The following THSD7B variants were observed in gnomAD, a reference collection of about 807,000 sequenced individuals.
The protein encoded by THSD7B is thrombospondin type-1 domain-containing protein 7B.
A neutral mutation model predicts 213.6 loss-of-function variants in THSD7B; 138 were observed. That is an observed-to-expected ratio of 0.65 (90% confidence interval 0.56 to 0.74). The LOEUF is 0.74. Among genes scored for constraint, THSD7B ranks in the 30% least tolerant of loss-of-function variants. THSD7B has a pLI of 0.00. For synonymous variants in THSD7B, 742 were observed against 687.0 expected, an observed-to-expected ratio of 1.08 and a Z score of -1.25; for missense variants, 1,931 against 1,991.5, an observed-to-expected ratio of 0.97 and a Z score of 0.58.
rs374110828 is a variant in THSD7B at position 137,455,116 on chromosome 2, T to C, written c.3138+4093T>C. ...TTCTCTTTAGAATATGAGGTCTTTT[T>C]GAGGGCAAGGGCTGTCTTTCTACTT... On this transcript the variant is annotated intron_variant, in intron 15 of 27. Transcript: ENST00000409968. Among the ~76,000 whole-genome samples, 7 of 152,296 alleles carry C rather than the reference T, an allele frequency of 4.6e-5. No individual in the cohort carries two copies. In the East Asian group the frequency reaches 1.2e-3, roughly 25 times the overall value.
chr2:137,143,424 A>T (rs1679632000), intron 5 of THSD7B, among the ~76,000 whole-genome samples: 1 of 152,182 alleles, frequency 6.6e-6, no homozygotes, highest in African/African-American at 2.4e-5. Context: ...AGCAGGCAGC[A>T]GGGTGGAAAG....
At chr2:137,053,026 C>A (rs956889498) in intron 2 of THSD7B, among the ~76,000 whole-genome samples, 12 of 152,094 alleles carry the variant, frequency 7.9e-5, no homozygotes, top group Admixed American at 5.2e-4. Flanking sequence ...TTTGACTCTG[C>A]CTTTCTAAAT....
At chr2:136,970,160 T>C (rs1685381408) in intron 2 of THSD7B, among the ~76,000 whole-genome samples, 1 of 152,002 alleles carries the variant, frequency 6.6e-6, no homozygotes, top group Non-Finnish European at 1.5e-5. Flanking sequence ...GAATACAATT[T>C]TGGAAGGTAA....
chr2:137,289,151 G>A (rs1225675947), intron 12 of THSD7B, among the ~76,000 whole-genome samples: 3 of 152,038 alleles, frequency 2.0e-5, no homozygotes, highest in South Asian at 2.1e-4. Context: ...CAGGGAAAAT[G>A]GAAGTATTAC....
intron 2 of THSD7B, among the ~76,000 whole-genome samples, chr2:137,021,401 C>T (rs1484189635): frequency 6.6e-6 from 1 of 152,016 alleles, no homozygotes; most frequent in Admixed American, 6.6e-5. Flanking sequence ...TTCATGTAAC[C>T]ATTACCTGAA....
At chr2:137,246,094 G>GT (rs1558971983) in intron 10 of THSD7B, among the ~76,000 whole-genome samples, 1 of 152,164 alleles carries the variant, frequency 6.6e-6, no homozygotes, top group Non-Finnish European at 1.5e-5. Flanking sequence ...TAGCAGGTGG[G>GT]GACAGGGTGG....
At chr2:137,575,472 A>G (rs989482266) in intron 17 of THSD7B, among the ~76,000 whole-genome samples, 29 of 152,196 alleles carry the variant, frequency 1.9e-4, no homozygotes, top group Admixed American at 1.3e-3. Context: ...CTTAAAAACA[A>G]TGCATCACAA....
intron 10 of THSD7B, among the ~76,000 whole-genome samples, chr2:137,250,649 G>C (rs139369725): frequency 1.3e-5 from 2 of 152,260 alleles, no homozygotes; most frequent in East Asian, 3.9e-4. Context: ...GTGTGTATAT[G>C]GATAAAGTAG....
At chr2:136,788,718 T>C (rs1464385346) in intron 1 of THSD7B, among the ~76,000 whole-genome samples, 2 of 152,180 alleles carry the variant, frequency 1.3e-5, no homozygotes, top group African/African-American at 4.8e-5. Context: ...TTATGGCCCA[T>C]TTTAAGCATC....
intron 1 of THSD7B, among the ~76,000 whole-genome samples, chr2:136,795,610 T>A (rs1650583593): frequency 1.3e-5 from 2 of 151,788 alleles, no homozygotes; most frequent in African/African-American, 4.8e-5. Context: ...TTCTGACAAT[T>A]TTTGTCTTTT....
At chr2:137,243,744 G>A (rs1226425876) in intron 10 of THSD7B, among the ~76,000 whole-genome samples, 2 of 152,196 alleles carry the variant, frequency 1.3e-5, no homozygotes, top group Non-Finnish European at 2.9e-5. Context: ...CAGAGCTGTG[G>A]CACCTGTTGA....
chr2:137,099,025 C>A (rs183696243), intron 4 of THSD7B, among the ~76,000 whole-genome samples: 108 of 152,272 alleles, frequency 7.1e-4, no homozygotes, highest in African/African-American at 2.6e-3. Context: ...ATATAGACCC[C>A]AGGAAACCTC....
intron 4 of THSD7B, among the ~76,000 whole-genome samples, chr2:137,110,815 A>G (rs1688334326): frequency 6.6e-6 from 1 of 152,192 alleles, no homozygotes; most frequent in African/African-American, 2.4e-5. Context: ...ATGGTCCCAT[A>G]AGATTGTAAT....
chr2:137,492,922 T>C (rs1007904167), intron 15 of THSD7B, among the ~76,000 whole-genome samples: 1 of 151,330 alleles, frequency 6.6e-6, no homozygotes, highest in African/African-American at 2.4e-5. Context: ...AGATTCAAGA[T>C]CAGCCTGGCC....
chr2:136,767,854 C>T (rs1311141357), intron 1 of THSD7B, among the ~76,000 whole-genome samples: 6 of 152,140 alleles, frequency 3.9e-5, no homozygotes, highest in Admixed American at 1.3e-4. Flanking sequence ...CACTTTATGT[C>T]AACCTTAATA....
chr2:137,584,341 G>T (rs531916728), intron 17 of THSD7B, among the ~76,000 whole-genome samples: 2 of 152,240 alleles, frequency 1.3e-5, no homozygotes, highest in South Asian at 2.1e-4. Context: ...TCTTTCTCCT[G>T]CCTGATTGCC....
chr2:137,574,295 C>T (rs753622129), intron 17 of THSD7B, among the ~76,000 whole-genome samples: 20 of 151,936 alleles, frequency 1.3e-4, no homozygotes, highest in African/African-American at 4.3e-4. Context: ...GCTTCTTTTT[C>T]GAAACATAAT....
At chr2:136,785,029 A>G (rs917916250) in intron 1 of THSD7B, among the ~76,000 whole-genome samples, 2 of 152,188 alleles carry the variant, frequency 1.3e-5, no homozygotes, top group Admixed American at 6.5e-5. Context: ...AATTCTGGAC[A>G]TTACTACCAC....
At chr2:136,873,198 A>C (rs887691754) in intron 1 of THSD7B, among the ~76,000 whole-genome samples, 2 of 152,106 alleles carry the variant, frequency 1.3e-5, no homozygotes, top group Admixed American at 6.5e-5. Context: ...ATTTGTGAGG[A>C]CTTTTTGCGA....
Sources: allele counts gnomAD v4.1 joint callset (sites outside exome capture counted in the v4.1 genomes callset), GRCh38; gene constraint gnomAD v4.1.1; transcripts MANE v1.5; gene names NCBI Gene and HGNC (gene_info 2026-07-23, HGNC 2026-07-21).